The following ITIH6 variants were observed in gnomAD, a reference collection of about 807,000 sequenced individuals.
ITIH6 encodes inter-alpha-trypsin inhibitor heavy chain family member 6.
ITIH6 carries 60 observed loss-of-function variants against 58.2 expected under a neutral mutation model. The observed-to-expected ratio is 1.03, with a 90% CI of 0.84 to 1.28. ITIH6 has a LOEUF of 1.28. Ranked by LOEUF, ITIH6 falls within the 50% of genes most tolerant of loss-of-function variation. The pLI is 0.00. For missense variants in ITIH6, 1,290 were observed against 1,021.1 expected, an observed-to-expected ratio of 1.26 and a Z score of -3.59; for synonymous variants, 493 against 417.4, an observed-to-expected ratio of 1.18 and a Z score of -2.21.
intron 6 of ITIH6, among the ~76,000 whole-genome samples, chrX:54,769,025 G>A (rs1928873980): frequency 9.3e-6 from 1 of 107,012 alleles, no homozygotes; most frequent in Non-Finnish European, 1.9e-5. Context: ...CCAATCAGAC[G>A]TAGATTTGGT....
At chrX:54,796,129 C>T (rs1290337791) in intron 2 of ITIH6, among the ~76,000 whole-genome samples, 4 of 111,570 alleles carry the variant, frequency 3.6e-5, no homozygotes. Context: ...CCTCATGAAG[C>T]TCTGGGATTA....
intron 7 of ITIH6, 64 bp downstream of exon 7, chrX:54,759,692 G>C: frequency 3.2e-6 from 3 of 943,136 alleles, no homozygotes; most frequent in Admixed American, 3.0e-5. Context: ...AATGAAGAGA[G>C]GGTTTCAGGA....
rs1179842043 is a variant in ITIH6 at position 54,750,059 on chromosome X, G to A, written c.3778C>T (p.Pro1260Ser). Residue 1260 changes from proline to serine, a missense_variant, in exon 13 of 13, where the codon CCA becomes TCA. Coordinates refer to ENST00000218436, the MANE Select transcript of ITIH6 (RefSeq NM_198510.3). ...DIRLVTGPMG[P>S]CLRRHHGPDV... is the part of the protein sequence containing the mutation. The stretch of plus-strand genomic sequence containing the variant: ...GGGCCATGGTGCCTTCGTAAGCATG[G>A]CCCCATAGGTCCTGTCACCAGTCGG... The A allele has an allele frequency of 4.1e-6, 5 of 1,211,154 alleles. No homozygotes were observed. The highest frequency in any genetic ancestry group is 2.2e-5 in the Admixed American group (1 of 46,052).
At chrX:54,769,854 G>A (rs1223324597) in intron 6 of ITIH6, among the ~76,000 whole-genome samples, 2 of 101,379 alleles carry the variant, frequency 2.0e-5, no homozygotes, top group Non-Finnish European at 4.0e-5. Context: ...CCTGCCCCCA[G>A]AGGTGGAGCC....
chrX:54,757,924 G>A lies in ITIH6; in HGVS notation c.2150C>T (p.Ala717Val). ...AGGTTTTGTCCTGAGAGTTGGCTGG[G>A]CCAAGGTGCCAGAATCCTGTTGTGC... is the stretch of plus-strand genomic sequence containing the variant. The part of the protein sequence containing the change: ...IPAQQDSGTL[A>V]QPTLRTKPTI... The change falls in exon 8 of 13, where the codon GCC (alanine) becomes GTC (valine). Residue 717 changes from alanine (A) to valine (V), a missense_variant. Transcript: ENST00000218436. The A allele has an allele frequency of 1.7e-6, 2 of 1,211,623 alleles. No homozygotes were observed. The highest frequency in any genetic ancestry group is 3.5e-5 in the African/African-American group (2 of 57,810).
chrX:54,759,050 A>AG, intron 7 of ITIH6, 52 bp from the exon 8 acceptor site: 2 of 913,434 alleles, frequency 2.2e-6, no homozygotes, highest in Non-Finnish European at 3.0e-6. Flanking sequence ...TTCTACCCCC[A>AG]TTGCAGACAC....
At chrX:54,774,619 C>T (rs779713329) in intron 5 of ITIH6, among the ~76,000 whole-genome samples, 91 of 113,113 alleles carry the variant, frequency 8.0e-4, no homozygotes, top group South Asian at 1.8e-3. Context: ...CTCTTTGCTG[C>T]CAGGGGCTGG....
chrX:54,797,778 G>A (rs778427773), intron 1 of ITIH6, among the ~76,000 whole-genome samples: 1 of 111,244 alleles, frequency 9.0e-6, no homozygotes, highest in East Asian at 2.8e-4. Context: ...CCCAGTGTGG[G>A]GCAGTGGGAA....
At chrX:54,763,593 T>C (rs1389178601) in intron 6 of ITIH6, among the ~76,000 whole-genome samples, 1 of 112,426 alleles carries the variant, frequency 8.9e-6, no homozygotes, top group East Asian at 2.8e-4. Flanking sequence ...TTGGTAAATG[T>C]TCCACGTGAG....
At chrX:54,782,474 G>A (rs1417243355) in intron 5 of ITIH6, among the ~76,000 whole-genome samples, 2 of 111,142 alleles carry the variant, frequency 1.8e-5, no homozygotes, top group Non-Finnish European at 3.8e-5. Flanking sequence ...GCTTAATACT[G>A]GGGTGACAAC....
At chrX:54,784,878 A>G (rs1447341360) in intron 5 of ITIH6, among the ~76,000 whole-genome samples, 1 of 112,043 alleles carries the variant, frequency 8.9e-6, no homozygotes, top group East Asian at 2.8e-4. Context: ...AGTGTATCCA[A>G]GAGATGTCTG....
chrX:54,792,925 T>A (rs1430021316), intron 2 of ITIH6, among the ~76,000 whole-genome samples: 2 of 111,096 alleles, frequency 1.8e-5, no homozygotes, highest in Non-Finnish European at 3.8e-5. Flanking sequence ...CCTCTAAATC[T>A]TTGGAACACT....
Position 54,757,986 on chromosome X carries a change from G to C in ITIH6, c.2088C>G (p.Thr696=). The C allele has an allele frequency of 8.3e-7, 1 of 1,211,810 alleles. No individual in the cohort carries two copies. The highest frequency in any genetic ancestry group is 1.1e-6 in the Non-Finnish European group (1 of 895,489). The change falls in exon 8 of 13, where the codon ACC becomes ACG. Residue 696 remains threonine, a synonymous_variant. Transcript: ENST00000218436. ...CCTTTGGGTATGTGGGCATTGACAGGGTATGAGGGCTCTCTCCCAATGGCT... is the reference window on the plus strand; with the variant it reads ...CCTTTGGGTATGTGGGCATTGACAGCGTATGAGGGCTCTCTCCCAATGGCT... ...ELEPLGESPH[T]LSMPTYPKAK...
At chrX:54,754,908 A>G in intron 9 of ITIH6, 109 bp downstream of exon 9, 1 of 558,706 alleles carries the variant, frequency 1.8e-6, no homozygotes, top group Non-Finnish European at 3.0e-6. Context: ...ACACAACAAT[A>G]GAAAACTAAT....
intron 6 of ITIH6, among the ~76,000 whole-genome samples, chrX:54,771,641 A>C (rs571115294): frequency 8.9e-6 from 1 of 111,826 alleles, no homozygotes; most frequent in South Asian, 3.7e-4. Flanking sequence ...ATGGGTTTTT[A>C]AATTCTTGGT....
At chrX:54,786,261 AC>A (rs1730229263) in intron 5 of ITIH6, among the ~76,000 whole-genome samples, 1 of 110,658 alleles carries the variant, frequency 9.0e-6, no homozygotes, top group Admixed American at 9.5e-5. Flanking sequence ...TCTCCAGGCC[AC>A]CCTCCTCTTC....
At chrX:54,772,391 T>C (rs1446231161) in intron 6 of ITIH6, among the ~76,000 whole-genome samples, 1 of 111,954 alleles carries the variant, frequency 8.9e-6, no homozygotes, top group African/African-American at 3.2e-5. Flanking sequence ...AAATGATGTA[T>C]TACATACTGT....
intron 5 of ITIH6, 126 bp downstream of exon 5, chrX:54,788,354 C>T (rs996270917): frequency 1.6e-5 from 9 of 555,758 alleles, no homozygotes; most frequent in African/African-American, 1.4e-4. Context: ...TTCACGTCAG[C>T]CTATCCTTGT....
intron 11 of ITIH6, among the ~76,000 whole-genome samples, chrX:54,753,146 C>T (rs981675562): frequency 1.9e-4 from 21 of 112,824 alleles, no homozygotes; most frequent in Admixed American, 6.5e-4. Flanking sequence ...ATTGACCTTA[C>T]GGTCCTGATT....
Sources: gnomAD v4.1 joint callset for allele counts (sites outside exome capture counted in the v4.1 genomes callset) on GRCh38, gnomAD v4.1.1 for gene constraint, MANE v1.5 for transcripts, NCBI Gene and HGNC (gene_info 2026-07-23, HGNC 2026-07-21) for gene names.